The following EXT1 variants were observed in gnomAD, a reference collection of about 807,000 sequenced individuals.
The protein encoded by EXT1 is exostosin glycosyltransferase 1.
A neutral mutation model predicts 82.5 loss-of-function variants in EXT1; 20 were observed. The ratio of observed to expected loss-of-function variants is 0.24; its 90% CI spans 0.17 to 0.35. The LOEUF is 0.35. Among genes scored for constraint, EXT1 ranks in the 10% least tolerant of loss-of-function variants. The probability of loss-of-function intolerance (pLI) is 1.00; values close to 1 mark genes in which losing one functional copy is unlikely to be tolerated. For missense variants in EXT1, 757 were observed against 936.5 expected (o/e 0.81, Z 2.50); for synonymous variants, 348 against 350.8 (o/e 0.99, Z 0.09).
intron 10 of EXT1, among the ~76,000 whole-genome samples, 199 bp from the exon 11 acceptor site, chr8:117,800,096 G>C (rs1484518072): frequency 6.6e-6 from 1 of 152,172 alleles, no homozygotes; most frequent in Non-Finnish European, 1.5e-5. Flanking sequence ...ACGTTCCTCA[G>C]TGTTAAAAAC....
intron 7 of EXT1, among the ~76,000 whole-genome samples, chr8:117,816,084 T>A (rs1401085182): frequency 6.6e-6 from 1 of 152,018 alleles, no homozygotes; most frequent in Non-Finnish European, 1.5e-5. Context: ...TAGTTAAGAT[T>A]TATTGAGTAT....
chr8:117,948,184 T>C (rs1468721118), intron 1 of EXT1, among the ~76,000 whole-genome samples: 2 of 152,042 alleles, frequency 1.3e-5, no homozygotes, highest in Admixed American at 6.5e-5. Context: ...AAATACATTA[T>C]AGTAAGAAGA....
chr8:118,030,712 C>T (rs1373358734), intron 1 of EXT1, among the ~76,000 whole-genome samples: 2 of 152,116 alleles, frequency 1.3e-5, no homozygotes, highest in African/African-American at 2.4e-5. Context: ...GAACTACTGA[C>T]CTCAAATGAT....
At chr8:117,933,408 G>A (rs1197359641) in intron 1 of EXT1, among the ~76,000 whole-genome samples, 2 of 152,018 alleles carry the variant, frequency 1.3e-5, no homozygotes, top group Non-Finnish European at 2.9e-5. Context: ...ATCACGCCCA[G>A]CTAATTTTTG....
At chr8:117,921,604 T>G (rs1444063543) in intron 1 of EXT1, among the ~76,000 whole-genome samples, 1 of 152,226 alleles carries the variant, frequency 6.6e-6, no homozygotes, top group Non-Finnish European at 1.5e-5. Flanking sequence ...TAAACTCTGA[T>G]GTCCATACAG....
intron 4 of EXT1, among the ~76,000 whole-genome samples, chr8:117,826,356 C>G (rs138929192): frequency 1.7e-3 from 257 of 152,250 alleles, no homozygotes; most frequent in Admixed American, 3.2e-3. Context: ...ATATACCAAG[C>G]AAGGAGAAAG....
At chr8:117,842,827 A>G (rs1563577190) in intron 1 of EXT1, among the ~76,000 whole-genome samples, 1 of 152,370 alleles carries the variant, frequency 6.6e-6, no homozygotes, top group East Asian at 1.9e-4. Context: ...CTGTGCTCAC[A>G]GGTCCTCCTG....
At chr8:117,998,292 G>A (rs1193291302) in intron 1 of EXT1, among the ~76,000 whole-genome samples, 1 of 151,964 alleles carries the variant, frequency 6.6e-6, no homozygotes, top group African/African-American at 2.4e-5. Flanking sequence ...GATTACAGGT[G>A]TGAGCCACCA....
chr8:118,092,739 G>A (rs921171772), intron 1 of EXT1, among the ~76,000 whole-genome samples: 2 of 152,228 alleles, frequency 1.3e-5, no homozygotes, highest in Non-Finnish European at 2.9e-5. Context: ...AGAAAAACGT[G>A]TAATACAAGC....
intron 1 of EXT1, among the ~76,000 whole-genome samples, chr8:118,027,313 T>TCACACACACACACACACA (rs71307421): frequency 6.9e-6 from 1 of 145,412 alleles, no homozygotes; most frequent in African/African-American, 2.5e-5. Flanking sequence ...TCAGTTTCTT[T>TCACACACACACACACACA]CACACACACA....
rs1823092726 is a variant in EXT1, at chr8:117,796,636, G to A, written c.*3076C>T. 6.6e-6 allele frequency: 1 copy of A among 152,138 alleles called. No homozygotes were observed. Among genetic ancestry groups the A allele is most frequent in the Admixed American group, 6.5e-5 (1 of 15,274 alleles). The allele number at this position is 152,138 out of a possible 1,614,324, so 9.4% of individuals were successfully genotyped here. On this transcript the variant is annotated 3_prime_UTR_variant, in exon 11 of 11. Coordinates refer to ENST00000378204, the MANE Select transcript of EXT1 (RefSeq NM_000127.3). ...AGAAATTAAACTGTAATGCACATAA[G>A]ATTCCAGTAACAAGCTTTCCCTTTT...
intron 1 of EXT1, among the ~76,000 whole-genome samples, chr8:117,869,070 G>C (rs1303341449): frequency 6.6e-6 from 1 of 152,076 alleles, no homozygotes; most frequent in Non-Finnish European, 1.5e-5. Context: ...GTTCTGCCTG[G>C]CGGGCTGGAC....
intron 1 of EXT1, among the ~76,000 whole-genome samples, chr8:117,902,730 T>C (rs1813473045): frequency 6.6e-6 from 1 of 152,208 alleles, no homozygotes; most frequent in Admixed American, 6.5e-5. Flanking sequence ...AAAACTAACA[T>C]ATTAGGCATC....
chr8:117,869,531 A>G (rs1812834009), intron 1 of EXT1, among the ~76,000 whole-genome samples: 1 of 152,220 alleles, frequency 6.6e-6, no homozygotes, highest in South Asian at 2.1e-4. Flanking sequence ...AAATTCAAAT[A>G]AAACACACTT....
At chr8:117,875,758 AG>A (rs1812958386) in intron 1 of EXT1, among the ~76,000 whole-genome samples, 1 of 152,278 alleles carries the variant, frequency 6.6e-6, no homozygotes, top group African/African-American at 2.4e-5. Flanking sequence ...AAGAATATAA[AG>A]AAAAGCTGAA....
At chr8:117,929,424 G>A (rs1037649156) in intron 1 of EXT1, among the ~76,000 whole-genome samples, 8 of 152,164 alleles carry the variant, frequency 5.3e-5, no homozygotes, top group African/African-American at 1.7e-4. Context: ...AGACATCAGA[G>A]ACACAACAGA....
chr8:117,901,206 C>T (rs191918111), intron 1 of EXT1, among the ~76,000 whole-genome samples: 19 of 152,296 alleles, frequency 1.2e-4, no homozygotes, highest in Non-Finnish European at 2.5e-4. Context: ...AGTGTACTCA[C>T]GCAGACCTGG....
intron 1 of EXT1, among the ~76,000 whole-genome samples, chr8:117,932,548 G>C (rs892408067): frequency 2.0e-5 from 3 of 152,064 alleles, no homozygotes; most frequent in African/African-American, 7.2e-5. Flanking sequence ...ACATAGTACT[G>C]CCCGCTCACC....
rs1230368986 is a variant in EXT1, at chr8:118,111,230, T to C, written c.-184A>G. 2.9e-5 allele frequency: 24 copies of C among 839,584 alleles called. No homozygotes were observed. The East Asian group carries it at 5.8e-4, about 20-fold the overall frequency. 52.0% of individuals were successfully genotyped at this position (839,584 alleles called of 1,614,324 possible). A position where few individuals can be genotyped will look rare whatever the true frequency, so the allele number is the denominator to read the frequency against. ...ATCCAGCGCATGTGGGCGATTTCTT[T>C]AACTTTCTCCCCTTCGGTCTTTCAT... On this transcript the variant is annotated 5_prime_UTR_variant, in exon 1 of 11. The change abolishes the stop of an existing upstream ORF in the 5' untranslated region. Coordinates refer to ENST00000378204, the MANE Select transcript of EXT1 (RefSeq NM_000127.3).
Sources: gnomAD v4.1 joint callset for allele counts (sites outside exome capture counted in the v4.1 genomes callset) on GRCh38, gnomAD v4.1.1 for gene constraint, MANE v1.5 for transcripts, NCBI Gene and HGNC (gene_info 2026-07-23, HGNC 2026-07-21) for gene names.